The following TMEM272 variants were observed in gnomAD, a reference collection of about 807,000 sequenced individuals.
TMEM272 encodes long intergenic non-protein coding RNA 282.
TMEM272 carries 8 observed loss-of-function variants against 3.7 expected under a neutral mutation model. The ratio of observed to expected loss-of-function variants is 2.17; its 90% confidence interval spans 1.27 to 3.91. The LOEUF (loss-of-function observed/expected upper bound fraction) is 3.91, where lower values mean the gene tolerates loss of function less well. TMEM272 is among the 30% of genes most tolerant of loss of function. The probability of loss-of-function intolerance (pLI) is 0.00; values close to 1 mark genes in which losing one functional copy is unlikely to be tolerated. For synonymous variants in TMEM272, 63 were observed against 39.8 expected (o/e 1.58, Z -2.20); for missense variants, 166 against 91.5 (o/e 1.81, Z -3.32).
intron 1 of TMEM272, among the ~76,000 whole-genome samples, chr13:51,842,036 A>AAC (rs140382483): frequency 0.16 from 23,614 of 151,800 alleles, 2,226 homozygotes; most frequent in Middle Eastern, 0.24. Flanking sequence ...TAAAATGTTA[A>AAC]ACACACACAC....
At chr13:51,876,912 A>G in the TMEM272 span, among the ~76,000 whole-genome samples, 1 of 152,174 alleles carries the variant, frequency 6.6e-6, no homozygotes, top group Non-Finnish European at 1.5e-5. Flanking sequence ...ATTTCTCTGG[A>G]AATCTGGAAA....
chr13:51,866,514 T>C, the TMEM272 span, among the ~76,000 whole-genome samples: 18 of 152,190 alleles, frequency 1.2e-4, no homozygotes, highest in African/African-American at 3.9e-4. Context: ...TGGGGCAGTC[T>C]TGGAGGCCTG....
intron 1 of TMEM272, among the ~76,000 whole-genome samples, chr13:51,840,637 G>A (rs994231693): frequency 6.6e-6 from 1 of 152,184 alleles, no homozygotes. Flanking sequence ...CCTGACGCAG[G>A]CTCCCTGCCC....
chr13:51,921,803 T>C, the TMEM272 span, among the ~76,000 whole-genome samples: 12 of 152,182 alleles, frequency 7.9e-5, no homozygotes, highest in African/African-American at 2.4e-4. Context: ...CTCCCCTCTC[T>C]CCCACTCAGC....
At chr13:51,817,252 C>A in intron 4 of TMEM272, 139 bp from the exon 5 acceptor site, 1 of 594,362 alleles carries the variant, frequency 1.7e-6, no homozygotes, top group Non-Finnish European at 3.0e-6. Flanking sequence ...GAAAAGTGAA[C>A]AACACACTGG....
At chr13:51,917,673 G>GT in the TMEM272 span, among the ~76,000 whole-genome samples, 1 of 152,202 alleles carries the variant, frequency 6.6e-6, no homozygotes, top group Admixed American at 6.5e-5. Context: ...TAATTACTAA[G>GT]TATGTGTTGG....
At chr13:51,921,912 G>A in the TMEM272 span, among the ~76,000 whole-genome samples, 13 of 150,562 alleles carry the variant, frequency 8.6e-5, no homozygotes, top group South Asian at 2.2e-4. Flanking sequence ...CACTGTGTGC[G>A]TGTGTGTGTG....
chr13:51,891,172 A>T, the TMEM272 span, among the ~76,000 whole-genome samples: 5 of 152,310 alleles, frequency 3.3e-5, no homozygotes, highest in East Asian at 9.7e-4. Context: ...AATCAAGGAA[A>T]AGCCTTCATT....
chr13:51,858,584 G>GAGACGCAGGTAAGTGTACTT, the TMEM272 span, among the ~76,000 whole-genome samples: 2 of 152,212 alleles, frequency 1.3e-5, no homozygotes, highest in Non-Finnish European at 2.9e-5. Flanking sequence ...CAAAACATGT[G>GAGACGCAGGTAAGTGTACTT]AGACGCAGGT....
chr13:51,870,340 T>G, the TMEM272 span, among the ~76,000 whole-genome samples: 2 of 152,220 alleles, frequency 1.3e-5, no homozygotes, highest in African/African-American at 4.8e-5. Flanking sequence ...GGGTCTTTAT[T>G]CAGTTTTTGG....
chr13:51,858,205 A>G, the TMEM272 span, among the ~76,000 whole-genome samples: 58 of 152,366 alleles, frequency 3.8e-4, no homozygotes, highest in African/African-American at 1.4e-3. Context: ...AAGGATATAG[A>G]AGATTTGAAC....
intron 3 of TMEM272, among the ~76,000 whole-genome samples, chr13:51,823,505 A>G (rs938170662): frequency 6.6e-6 from 1 of 152,242 alleles, no homozygotes; most frequent in Non-Finnish European, 1.5e-5. Flanking sequence ...ATGTCATCAC[A>G]TTGCCTGAGA....
At chr13:51,924,576 G>A in the TMEM272 span, among the ~76,000 whole-genome samples, 1 of 152,046 alleles carries the variant, frequency 6.6e-6, no homozygotes, top group Non-Finnish European at 1.5e-5. Flanking sequence ...TCAGAGAATG[G>A]GGCAGAGAGG....
At chr13:51,875,741 G>C in the TMEM272 span, among the ~76,000 whole-genome samples, 5 of 152,190 alleles carry the variant, frequency 3.3e-5, no homozygotes, top group African/African-American at 9.7e-5. Context: ...ATCAGGGCAT[G>C]AGCGCAAGCC....
intron 4 of TMEM272, among the ~76,000 whole-genome samples, chr13:51,820,578 T>G (rs1404848933): frequency 2.6e-5 from 4 of 152,238 alleles, no homozygotes; most frequent in Non-Finnish European, 5.9e-5. Context: ...AAAAGTTTGC[T>G]GTTTTTAAGA....
At chr13:51,849,864 C>A (rs1287739680), upstream of TMEM272, among the ~76,000 whole-genome samples, 2 of 152,176 alleles carry the variant, frequency 1.3e-5, no homozygotes, top group Non-Finnish European at 2.9e-5. Context: ...CGCCTCTTTG[C>A]CCTCCCTCCC....
the TMEM272 span, among the ~76,000 whole-genome samples, chr13:51,859,662 T>A: frequency 6.6e-6 from 1 of 152,056 alleles, no homozygotes. Flanking sequence ...ATAAAAAATA[T>A]AGACTTCATA....
At chr13:51,899,189 A>C in the TMEM272 span, among the ~76,000 whole-genome samples, 69 of 152,340 alleles carry the variant, frequency 4.5e-4, 1 homozygote, top group South Asian at 5.4e-3. Context: ...CAATATATAA[A>C]AAATCGATTG....
At chr13:51,842,066 G>C (rs1044292310) in intron 1 of TMEM272, among the ~76,000 whole-genome samples, 1 of 152,250 alleles carries the variant, frequency 6.6e-6, no homozygotes, top group Non-Finnish European at 1.5e-5. Flanking sequence ...ATATGACCTC[G>C]TGCATGTAAT....
Sources: allele counts gnomAD v4.1 joint callset (sites outside exome capture counted in the v4.1 genomes callset), GRCh38; gene constraint gnomAD v4.1.1; transcripts MANE v1.5; gene names NCBI Gene and HGNC (gene_info 2026-07-23, HGNC 2026-07-21).